TTN: variants seen among roughly 807,000 people sequenced by gnomAD.
TTN encodes connectin.
A neutral mutation model predicts 3,223.0 loss-of-function variants in TTN; 1,525 were observed. The observed-to-expected ratio is 0.47, with a 90% CI of 0.45 to 0.49. The LOEUF is 0.49. Among genes scored for constraint, TTN ranks in the 20% least tolerant of loss-of-function variants. The pLI, the probability that TTN is intolerant of heterozygous loss-of-function variation, is 0.00. For synonymous variants in TTN, 14,094 were observed against 15,161.0 expected, an observed-to-expected ratio of 0.93 and a Z score of 5.17; for missense variants, 40,786 against 43,424.0, an observed-to-expected ratio of 0.94 and a Z score of 5.40.
In TTN at chr2:178,528,366, C is replaced by A; in HGVS notation, c.107285G>T (p.Arg35762Leu). The A allele has an allele frequency of 6.2e-7, 1 of 1,613,890 alleles. No homozygotes were observed. The highest frequency in any genetic ancestry group is 8.5e-7 in the Non-Finnish European group (1 of 1,179,852). ...TCCACTGTCGCTGACTGATGCATTT[C>A]GGATTTCAAGGGAGTATACATTTCT... Reference protein sequence around the residue: ...RSRNVYSLEIRNASVSDSGKY... With the variant: ...RSRNVYSLEILNASVSDSGKY... The change falls in exon 361 of 363, where the codon CGA (arginine) becomes CTA (leucine). Residue 35762 changes from arginine to leucine, a missense_variant. Transcript: ENST00000589042.
chr2:178,529,841 T>A (rs1373854325), intron 359 of TTN, 119 bp downstream of exon 359: 9 of 1,116,442 alleles, frequency 8.1e-6, no homozygotes, highest in Non-Finnish European at 1.0e-5. Context: ...TATTCTGGAA[T>A]TAGGAAAATA....
chr2:178,718,135 G>T lies in TTN; in HGVS notation c.24871C>A (p.Pro8291Thr). 1 of 1,609,722 alleles carries T rather than the reference G, an allele frequency of 6.2e-7. No individual in the cohort carries two copies. The change falls in exon 86 of 363, where the codon CCA (proline) becomes ACA (threonine). Residue 8291 changes from proline to threonine, a missense_variant. Pro to Thr is a conservative substitution (Grantham distance 38, BLOSUM62 -1). Transcript: ENST00000589042. ...TTATACCAAGAAATTCTAATTTCTGGAGTTCCATCCACTTTACACTGTAAA... is the reference window on the plus strand; with the variant it reads ...TTATACCAAGAAATTCTAATTTCTGTAGTTCCATCCACTTTACACTGTAAA... ...ATLQCKVDGTPEIRISWYKEH... is the reference protein window; with the variant it reads ...ATLQCKVDGTTEIRISWYKEH...
At position 178,664,642 on chromosome 2, in the gene TTN, A is replaced by C; in HGVS notation, c.36202+12T>G. The C allele has an allele frequency of 1.9e-6, 3 of 1,612,252 alleles. No homozygotes were observed. Among genetic ancestry groups the C allele is most frequent in the Non-Finnish European group, 2.5e-6 (3 of 1,179,566 alleles). ...CATGTTCCCACCCCTCTAAGCTTCC[A>C]GCAAGATATACCTTCATCAGGAAGG... is the stretch of plus-strand genomic sequence containing the variant. On this transcript the variant is annotated intron_variant, in intron 167 of 362. Transcript: ENST00000589042.
Position 178,545,905 on chromosome 2 carries a change from C to G in TTN, c.95331G>C (p.Glu31777Asp). Reference protein sequence around the residue: ...YVVTRLIKNNEYIFRVRAVNK... With the variant: ...YVVTRLIKNNDYIFRVRAVNK... ...TTACTGCCCTCACTCGGAATATGTA[C>G]TCATTGTTCTTGATGAGCCTGGTAA... Residue 31777 changes from glutamate (E) to aspartate (D), a missense_variant, in exon 343 of 363, where the codon GAG becomes GAC. Physicochemically the swap from Glu to Asp is conservative, Grantham distance 45. Transcript: ENST00000589042. 6.2e-7 allele frequency: 1 copy of G among 1,613,880 alleles called. No homozygotes were observed. Among genetic ancestry groups the G allele is most frequent in the Non-Finnish European group, 8.5e-7 (1 of 1,179,784 alleles).
rs912960791 is a variant in TTN at position 178,570,438 on chromosome 2, C to T, written c.75694G>A (p.Asp25232Asn). ...TAATTTATGATGTCACTCCCACCAT[C>T]CTGAAGTGGGGGTTTCCAAGCTAGT... ...CTLAWKPPLQ[D>N]GGSDIINYIV... The change falls in exon 326 of 363, where the codon GAT becomes AAT. Residue 25232 changes from aspartate to asparagine, a missense_variant. By Grantham distance (23) the Asp-to-Asn change is conservative. Coordinates refer to ENST00000589042, the MANE Select transcript of TTN (RefSeq NM_001267550.2). 3.7e-6 allele frequency: 6 copies of T among 1,613,190 alleles called. No homozygotes were observed. Among genetic ancestry groups the T allele is most frequent in the African/African-American group, 1.3e-5 (1 of 74,994 alleles).
rs1173795392 is a variant in TTN, at chr2:178,611,196, A to T, written c.50933T>A (p.Phe16978Tyr). The change falls in exon 270 of 363, where the codon TTC (phenylalanine) becomes TAC (tyrosine). Residue 16978 changes from phenylalanine (F) to tyrosine (Y), a missense_variant. Coordinates refer to ENST00000589042, the MANE Select transcript of TTN (RefSeq NM_001267550.2). Reference sequence around the variant, plus strand: ...AACAGTTGGAACTGGGACAGCTCTGAAGGGAACAGGAATGCTTAACTTTTC... The same window carrying T: ...AACAGTTGGAACTGGGACAGCTCTGTAGGGAACAGGAATGCTTAACTTTTC... Reference protein sequence around the residue: ...EGEKLSIPVPFRAVPVPTVSW... With the variant: ...EGEKLSIPVPYRAVPVPTVSW... 1 of 1,612,770 alleles carries T rather than the reference A, an allele frequency of 6.2e-7. No individual in the cohort carries two copies. Among genetic ancestry groups the T allele is most frequent in the East Asian group, 2.2e-5 (1 of 44,604 alleles).
chr2:178,588,154 A>C lies in TTN; in HGVS notation c.63253T>G (p.Trp21085Gly). 1 of 1,608,770 alleles carries C rather than the reference A, an allele frequency of 6.2e-7. No homozygotes were observed. Among genetic ancestry groups the C allele is most frequent in the Non-Finnish European group, 8.5e-7 (1 of 1,176,168 alleles). ...CCACCATCATAGACTGGTTTTCCCCACCCAAGAGTTATGGAATGTTTGGTT... is the reference window on the plus strand; with the variant it reads ...CCACCATCATAGACTGGTTTTCCCCCCCCAAGAGTTATGGAATGTTTGGTT... ...DTTKHSITLG[W>G]GKPVYDGGAP... Residue 21085 changes from tryptophan to glycine, a missense_variant, in exon 305 of 363, where the codon TGG becomes GGG. By Grantham distance (184) the Trp-to-Gly change is radical (BLOSUM62 -2). Coordinates refer to ENST00000589042, the MANE Select transcript of TTN (RefSeq NM_001267550.2).
chr2:178,537,281 T>C (rs767018249), intron 355 of TTN, 38 bp from the exon 356 acceptor site: 9 of 1,538,520 alleles, frequency 5.8e-6, no homozygotes, highest in Non-Finnish European at 7.8e-6. Context: ...GTTTTCATAG[T>C]GTGTTTTTGA....
rs1560759137 is a variant in TTN at position 178,728,412 on chromosome 2, C to G, written c.19427-15G>C. The G allele has an allele frequency of 6.3e-7, 1 of 1,583,422 alleles. No individual in the cohort carries two copies. Among genetic ancestry groups the G allele is most frequent in the Non-Finnish European group, 8.6e-7 (1 of 1,164,434 alleles). On this transcript the variant is annotated splice_polypyrimidine_tract_variant and intron_variant, in intron 66 of 362. Coordinates refer to ENST00000589042, the MANE Select transcript of TTN (RefSeq NM_001267550.2). ...AATATTTTGATCTGTCCAATGCAAACAGCAAAACACATCCATTAATCTCTT... is the reference window on the plus strand; with the variant it reads ...AATATTTTGATCTGTCCAATGCAAAGAGCAAAACACATCCATTAATCTCTT...
rs767147750 is a variant in TTN at position 178,539,041 on chromosome 2, T to C, written c.98894A>G (p.Asp32965Gly). 6.2e-7 allele frequency: 1 copy of C among 1,613,826 alleles called. No homozygotes were observed. The highest frequency in any genetic ancestry group is 8.5e-7 in the Non-Finnish European group (1 of 1,179,744). ...GATGATGCGGAACTGATACTCAGCA[T>C]CGGGAACAAGCCCTGTGACAGTGTA... ...TMYTVTGLVP[D>G]AEYQFRIIAQ... Residue 32965 changes from aspartate (D) to glycine (G), a missense_variant, in exon 353 of 363, where the codon GAT (aspartate) becomes GGT (glycine). By Grantham distance (94) the Asp-to-Gly change is moderately conservative. Transcript: ENST00000589042.
chr2:178,534,160 T>A lies in TTN; in HGVS notation c.102455A>T (p.His34152Leu). 1 of 1,613,978 alleles carries A rather than the reference T, an allele frequency of 6.2e-7. No homozygotes were observed. Among genetic ancestry groups the A allele is most frequent in the Non-Finnish European group, 8.5e-7 (1 of 1,179,852 alleles). Residue 34152 changes from histidine (H) to leucine (L), a missense_variant, in exon 358 of 363, where the codon CAT becomes CTT. Coordinates refer to ENST00000589042, the MANE Select transcript of TTN (RefSeq NM_001267550.2). ...IMHAVGEEGG[H>L]VKYVCKIENY... The stretch of plus-strand genomic sequence containing the variant: ...TTCAATTTTGCATACATATTTGACA[T>A]GTCCTCCTTCTTCACCAACTGCATG...
rs754178580 is a variant in TTN, at chr2:178,729,953, T to C, written c.18308-8A>G. 3.1e-6 allele frequency: 5 copies of C among 1,607,212 alleles called. No individual in the cohort carries two copies. The Admixed American group carries it at 6.8e-5, about 22-fold the overall frequency. On this transcript the variant is annotated splice_polypyrimidine_tract_variant and splice_region_variant and intron_variant, in intron 62 of 362. Transcript: ENST00000589042. ...TAATGAATTGAGGAGGTTCTAAAGA[T>C]GGAAAAAGAATTGTGATGTTGAATA... is the stretch of plus-strand genomic sequence containing the variant.
At chr2:178,637,313 C>T in intron 224 of TTN, 56 bp downstream of exon 224, 1 of 1,317,068 alleles carries the variant, frequency 7.6e-7, no homozygotes, top group Non-Finnish European at 1.0e-6. Context: ...TGAATATGAA[C>T]TTTGGAAATT....
chr2:178,536,840 C>A, intron 356 of TTN, 98 bp downstream of exon 356: 2 of 1,168,776 alleles, frequency 1.7e-6, no homozygotes, highest in Non-Finnish European at 2.4e-6. Flanking sequence ...TTATCTGAAT[C>A]TTTGCTATTT....
In TTN at chr2:178,583,247, A is replaced by T. The variant is rs759468043; in HGVS notation, c.65576-20T>A. The T allele has an allele frequency of 6.5e-6, 10 of 1,541,608 alleles. No homozygotes were observed. Among genetic ancestry groups the T allele is most frequent in the Non-Finnish European group, 8.7e-6 (10 of 1,143,512 alleles). ...GAGGGACTGGAAAGAAATAAGATAA[A>T]GGACTTAATGTATGCAAAGCTATAT... On this transcript the variant is annotated intron_variant, in intron 312 of 362. Coordinates refer to ENST00000589042, the MANE Select transcript of TTN (RefSeq NM_001267550.2).
intron 47 of TTN, chr2:178,747,948 C>T (rs2084149942): frequency 6.2e-7 from 1 of 1,612,986 alleles, no homozygotes; most frequent in East Asian, 2.2e-5. Flanking sequence ...GTGTCAGCTT[C>T]CTGAACATCA....
rs983586137 is a variant in TTN, at chr2:178,549,715, T to G, written c.92007A>C (p.Leu30669=). The G allele has an allele frequency of 6.2e-7, 1 of 1,613,678 alleles. No individual in the cohort carries two copies. Among genetic ancestry groups the G allele is most frequent in the Non-Finnish European group, 8.5e-7 (1 of 1,179,774 alleles). The change falls in exon 338 of 363, where the codon CTA becomes CTC. Residue 30669 remains leucine, a synonymous_variant. Transcript: ENST00000589042. ...KRETSRLAWA[L]IEDKCEAQSY... Reference sequence around the variant, plus strand: ...TTTGGGCTTCACATTTATCCTCAATTAGTGCCCAGGCAAGTCTGCTGGTTT... The same window carrying G: ...TTTGGGCTTCACATTTATCCTCAATGAGTGCCCAGGCAAGTCTGCTGGTTT...
At chr2:178,706,328 A>G (rs1428646089) in intron 102 of TTN, 126 bp downstream of exon 102, 18 of 976,236 alleles carry the variant, frequency 1.8e-5, no homozygotes, top group Non-Finnish European at 2.7e-5. Context: ...GTTATGCTGT[A>G]TTGTTTATTT....
In TTN at chr2:178,701,562, G is replaced by C. The variant is rs1201220261; in HGVS notation, c.30564C>G (p.Ile10188Met). The C allele has an allele frequency of 5.0e-6, 8 of 1,613,594 alleles. No individual in the cohort carries two copies. The highest frequency in any genetic ancestry group is 1.6e-4 in the Middle Eastern group (1 of 6,084). The change falls in exon 110 of 363, where the codon ATC becomes ATG. Residue 10188 changes from isoleucine to methionine, a missense_variant. Ile to Met is a conservative substitution (Grantham distance 10, BLOSUM62 1). Coordinates refer to ENST00000589042, the MANE Select transcript of TTN (RefSeq NM_001267550.2). The part of the protein sequence containing the change: ...PPDIPDSRVP[I>M]PTMPIRAVPP... ...GCACTGCTCTGATAGGCATGGTTGG[G>C]ATTGGAACTCTGGAGTCAGGAATAT...
Sources: allele counts gnomAD v4.1 joint callset, GRCh38; gene constraint gnomAD v4.1.1; transcripts MANE v1.5; gene names NCBI Gene and HGNC (gene_info 2026-07-23, HGNC 2026-07-21).